The following DENND5A variants were observed in gnomAD, a reference collection of about 807,000 sequenced individuals.
The protein encoded by DENND5A is DENN domain containing 5A.
In DENND5A, 64 loss-of-function variants were observed where a neutral mutation model predicts 140.3. The observed-to-expected ratio is 0.46, with a 90% CI of 0.37 to 0.56. The LOEUF is 0.56. Among genes scored for constraint, DENND5A ranks in the 20% least tolerant of loss-of-function variants. The pLI, the probability that DENND5A is intolerant of heterozygous loss-of-function variation, is 0.00. For synonymous variants in DENND5A, 605 were observed against 607.7 expected, an observed-to-expected ratio of 1.00 and a Z score of 0.07; for missense variants, 1,292 against 1,593.8, an observed-to-expected ratio of 0.81 and a Z score of 3.22.
At chr11:9,207,519 A>G in intron 2 of DENND5A, 42 bp downstream of exon 2, 1 of 1,453,090 alleles carries the variant, frequency 6.9e-7, no homozygotes, top group Non-Finnish European at 9.7e-7. Context: ...TGTAAGAACC[A>G]TTAGAAAGCT....
At chr11:9,215,521 G>T (rs1396818160) in intron 1 of DENND5A, among the ~76,000 whole-genome samples, 14 of 150,804 alleles carry the variant, frequency 9.3e-5, no homozygotes, top group African/African-American at 3.4e-4. Flanking sequence ...TGGTCTTTTA[G>T]ACCAGTCTAA....
chr11:9,262,903 G>A (rs1257687215), intron 1 of DENND5A, among the ~76,000 whole-genome samples: 1 of 151,910 alleles, frequency 6.6e-6, no homozygotes, highest in Non-Finnish European at 1.5e-5. Flanking sequence ...CACCACGCCC[G>A]GCTAATTTTT....
chr11:9,184,687 C>T (rs998148995), intron 5 of DENND5A, among the ~76,000 whole-genome samples: 3 of 152,244 alleles, frequency 2.0e-5, no homozygotes, highest in East Asian at 3.9e-4. Context: ...ATTTCACTTC[C>T]CTGATTAAGA....
In DENND5A at chr11:9,167,092, G is replaced by GT. The variant is rs1378902161; in HGVS notation, c.2152-1126dup. Among the ~76,000 whole-genome samples, 7 of 152,208 alleles carry GT rather than the reference G, an allele frequency of 4.6e-5. No individual in the cohort carries two copies. In the East Asian group the frequency reaches 1.4e-3, roughly 29 times the overall value. ...TGCAATTATTTTGTATAATGTGCTG[G>GT]TGATTCTTCTTCATATGTTGTTTAA... On this transcript the variant is annotated intron_variant, in intron 10 of 22. Coordinates refer to ENST00000328194, the MANE Select transcript of DENND5A (RefSeq NM_015213.4).
rs1302593008 is a variant in DENND5A, at chr11:9,251,174, G to C, written c.109+13787C>G. Reference sequence around the variant, plus strand: ...AAAAAAAAAGAAAGAAAGATATCAAGGAATCCCACATTCACAGAGGAATGA... The same window carrying C: ...AAAAAAAAAGAAAGAAAGATATCAACGAATCCCACATTCACAGAGGAATGA... On this transcript the variant is annotated intron_variant, in intron 1 of 22. Coordinates refer to ENST00000328194, the MANE Select transcript of DENND5A (RefSeq NM_015213.4). Among the ~76,000 whole-genome samples the C allele has an allele frequency of 3.3e-5, 5 of 150,444 alleles. No homozygotes were observed. In the South Asian group the frequency reaches 1.1e-3, roughly 32 times the overall value.
intron 22 of DENND5A, among the ~76,000 whole-genome samples, chr11:9,140,777 A>T (rs753266237): frequency 3.3e-5 from 5 of 152,106 alleles, no homozygotes; most frequent in Non-Finnish European, 7.3e-5. Context: ...TGTACACTTC[A>T]TTTTTGGACC....
chr11:9,241,214 G>A (rs146501214), intron 1 of DENND5A, among the ~76,000 whole-genome samples: 1 of 152,276 alleles, frequency 6.6e-6, no homozygotes, highest in Non-Finnish European at 1.5e-5. Flanking sequence ...CTAAGAATTT[G>A]CAGTCATGTA....
chr11:9,262,635 G>C (rs551500581), intron 1 of DENND5A, among the ~76,000 whole-genome samples: 1 of 152,022 alleles, frequency 6.6e-6, no homozygotes, highest in South Asian at 2.1e-4. Context: ...TTACATCAAA[G>C]TCACAAACTT....
chr11:9,166,152 C>T (rs182648390), intron 10 of DENND5A, among the ~76,000 whole-genome samples, 185 bp from the exon 11 acceptor site: 227 of 150,744 alleles, frequency 1.5e-3, no homozygotes, highest in Non-Finnish European at 2.8e-3. Context: ...GATCTCAGCT[C>T]GCTGCAACCT....
chr11:9,230,642 G>A (rs1850733009), intron 1 of DENND5A, among the ~76,000 whole-genome samples: 1 of 152,082 alleles, frequency 6.6e-6, no homozygotes, highest in Non-Finnish European at 1.5e-5. Context: ...CCTTACTGTA[G>A]AAACACTAAG....
Position 9,144,120 on chromosome 11 carries a change from G to A in DENND5A, c.3281C>T (p.Thr1094Ile). Reference protein sequence around the residue: ...QSPSVIRRLVTISPNNKPKLN... With the variant: ...QSPSVIRRLVIISPNNKPKLN... ...ACTGGGCTTGTTGTTGGGTGAGATG[G>A]TAACAAGCCTCCGGATGACACTGGG... is the stretch of plus-strand genomic sequence containing the variant. The change falls in exon 19 of 23, where the codon ACC becomes ATC. Residue 1094 changes from threonine to isoleucine, a missense_variant. Thr to Ile is a moderately conservative substitution (Grantham distance 89, BLOSUM62 -1). Coordinates refer to ENST00000328194, the MANE Select transcript of DENND5A (RefSeq NM_015213.4). The A allele has an allele frequency of 6.2e-7, 1 of 1,613,922 alleles. No individual in the cohort carries two copies. Among genetic ancestry groups the A allele is most frequent in the Non-Finnish European group, 8.5e-7 (1 of 1,179,916 alleles).
intron 15 of DENND5A, among the ~76,000 whole-genome samples, chr11:9,149,536 G>A (rs1847542041): frequency 6.6e-6 from 1 of 152,184 alleles, no homozygotes; most frequent in Non-Finnish European, 1.5e-5. Context: ...CCACGTTTCT[G>A]GGGAGTCCAG....
chr11:9,262,517 T>C (rs1445284442), intron 1 of DENND5A, among the ~76,000 whole-genome samples: 1 of 152,170 alleles, frequency 6.6e-6, no homozygotes, highest in Non-Finnish European at 1.5e-5. Context: ...AGAAGAGCAC[T>C]GGACCAAGCA....
chr11:9,152,273 G>C (rs944746793), intron 13 of DENND5A, 85 bp downstream of exon 13: 1 of 1,005,184 alleles, frequency 9.9e-7, no homozygotes, highest in African/African-American at 1.6e-5. Flanking sequence ...CTTCGACCTG[G>C]AATAGTTTGC....
chr11:9,238,721 AT>A (rs1433402416), intron 1 of DENND5A, among the ~76,000 whole-genome samples: 1 of 148,564 alleles, frequency 6.7e-6, no homozygotes, highest in Non-Finnish European at 1.5e-5. Context: ...GCCCAAAAAT[AT>A]TTTTTAACTG....
In DENND5A at chr11:9,170,717, A is replaced by C. The variant is rs762817124; in HGVS notation, c.1967T>G (p.Leu656Arg). Residue 656 changes from leucine to arginine, a missense_variant, in exon 9 of 23, where the codon CTT becomes CGT. Coordinates refer to ENST00000328194, the MANE Select transcript of DENND5A (RefSeq NM_015213.4). ...IDHTAIHPHL[L>R]DMKIGQGKYE... is the part of the protein sequence containing the mutation. Reference sequence around the variant, plus strand: ...TTTCCCTTGTCCAATCTTCATGTCAAGTAAATGTGGGTGAATTGCAGTATG... The same window carrying C: ...TTTCCCTTGTCCAATCTTCATGTCACGTAAATGTGGGTGAATTGCAGTATG... 2.5e-6 allele frequency: 4 copies of C among 1,614,080 alleles called. No individual in the cohort carries two copies. In the Admixed American group the frequency reaches 6.7e-5, roughly 27 times the overall value.
intron 11 of DENND5A, among the ~76,000 whole-genome samples, chr11:9,162,764 G>T (rs75777280): frequency 6.6e-6 from 1 of 151,712 alleles, no homozygotes; most frequent in Non-Finnish European, 1.5e-5. Flanking sequence ...GCAGTGGCTC[G>T]ATCATGGTTC....
At chr11:9,239,542 G>C (rs1851146871) in intron 1 of DENND5A, among the ~76,000 whole-genome samples, 1 of 147,204 alleles carries the variant, frequency 6.8e-6, no homozygotes, top group Admixed American at 6.7e-5. Context: ...ATGTTGCCCA[G>C]GCTGGTCTCG....
At chr11:9,257,773 C>G (rs1225179717) in intron 1 of DENND5A, among the ~76,000 whole-genome samples, 1 of 147,432 alleles carries the variant, frequency 6.8e-6, no homozygotes, top group Admixed American at 6.8e-5. Flanking sequence ...TGAGCCACCG[C>G]GCCCAGCCAA....
Sources: allele counts gnomAD v4.1 joint callset (sites outside exome capture counted in the v4.1 genomes callset), GRCh38; gene constraint gnomAD v4.1.1; transcripts MANE v1.5; gene names NCBI Gene and HGNC (gene_info 2026-07-23, HGNC 2026-07-21).